The following PPP1R12B variants were observed in gnomAD, a reference collection of about 807,000 sequenced individuals.
PPP1R12B encodes protein phosphatase 1 regulatory subunit 12B.
A neutral mutation model predicts 126.1 loss-of-function variants in PPP1R12B; 76 were observed. That is an observed-to-expected ratio of 0.60 (90% CI 0.50 to 0.73). The LOEUF (loss-of-function observed/expected upper bound fraction) is 0.73. Among genes scored for constraint, PPP1R12B ranks in the 30% least tolerant of loss-of-function variants. PPP1R12B has a pLI of 0.00. For synonymous variants in PPP1R12B, 356 were observed against 434.7 expected, an observed-to-expected ratio of 0.82 and a Z score of 2.25; for missense variants, 1,052 against 1,205.1, an observed-to-expected ratio of 0.87 and a Z score of 1.88.
chr1:202,431,418 T>C (rs1670167997), intron 7 of PPP1R12B, 62 bp from the exon 8 acceptor site: 2 of 1,388,992 alleles, frequency 1.4e-6, no homozygotes, highest in African/African-American at 2.9e-5. Flanking sequence ...TATAGACTTG[T>C]TCCCTTTATT....
intron 9 of PPP1R12B, 42 bp from the exon 10 acceptor site, chr1:202,437,779 A>C: frequency 6.5e-7 from 1 of 1,530,912 alleles, no homozygotes; most frequent in South Asian, 1.2e-5. Flanking sequence ...AAGAATCATC[A>C]GAGCCTTTAT....
chr1:202,399,914 T>C (rs1335557550), intron 1 of PPP1R12B, among the ~76,000 whole-genome samples: 3 of 152,116 alleles, frequency 2.0e-5, no homozygotes, highest in Non-Finnish European at 2.9e-5. Flanking sequence ...TATCGTGTGA[T>C]GCTGAAGTTT....
At chr1:202,356,952 G>A (rs1305600013) in intron 1 of PPP1R12B, among the ~76,000 whole-genome samples, 1 of 151,656 alleles carries the variant, frequency 6.6e-6, no homozygotes, top group Non-Finnish European at 1.5e-5. Flanking sequence ...CTCCTTATTA[G>A]CTGGGATTAC....
At chr1:202,507,134 A>G (rs1411779604) in intron 18 of PPP1R12B, among the ~76,000 whole-genome samples, 3 of 152,164 alleles carry the variant, frequency 2.0e-5, no homozygotes, top group Non-Finnish European at 1.5e-5. Context: ...TTCAACCACC[A>G]TGTAAATGAG....
At chr1:202,445,383 C>T (rs1672103203) in intron 12 of PPP1R12B, among the ~76,000 whole-genome samples, 1 of 152,204 alleles carries the variant, frequency 6.6e-6, no homozygotes, top group African/African-American at 2.4e-5. Flanking sequence ...TTTGCTTTGA[C>T]TTGTATTAAC....
chr1:202,489,583 T>G (rs1434207468), intron 14 of PPP1R12B, among the ~76,000 whole-genome samples: 3 of 152,186 alleles, frequency 2.0e-5, no homozygotes, highest in Admixed American at 6.5e-5. Context: ...AACATTATGC[T>G]AAGTGAAAGA....
intron 23 of PPP1R12B, chr1:202,575,045 A>G (rs1688967712): frequency 3.1e-6 from 5 of 1,613,304 alleles, no homozygotes; most frequent in Non-Finnish European, 4.2e-6. Flanking sequence ...AAGCAGATGA[A>G]CGAGCAACTG....
At chr1:202,540,076 G>A in intron 18 of PPP1R12B, 1 of 1,511,900 alleles carries the variant, frequency 6.6e-7, no homozygotes. Flanking sequence ...TAACCTACAG[G>A]GAAATTTCCC....
intron 18 of PPP1R12B, among the ~76,000 whole-genome samples, chr1:202,548,300 G>A (rs566110151): frequency 1.3e-5 from 2 of 152,338 alleles, no homozygotes; most frequent in South Asian, 4.1e-4. Flanking sequence ...AAGGAAAAAT[G>A]TAACAGAATT....
At chr1:202,496,066 G>C (rs1355415444) in intron 17 of PPP1R12B, among the ~76,000 whole-genome samples, 1 of 152,230 alleles carries the variant, frequency 6.6e-6, no homozygotes, top group African/African-American at 2.4e-5. Flanking sequence ...CATATGAGCA[G>C]AGATTCTAAC....
intron 18 of PPP1R12B, chr1:202,540,350 A>G (rs769258611): frequency 4.4e-6 from 4 of 900,392 alleles, no homozygotes; most frequent in Non-Finnish European, 6.5e-6. Context: ...TTCAGAGCAT[A>G]TGGGAATCAG....
chr1:202,449,665 A>T (rs967120500), intron 13 of PPP1R12B, among the ~76,000 whole-genome samples: 24 of 151,788 alleles, frequency 1.6e-4, no homozygotes, highest in Non-Finnish European at 3.5e-4. Context: ...TTTAGCATAG[A>T]CACTTAACGC....
chr1:202,389,553 A>G (rs2148516986), intron 1 of PPP1R12B, among the ~76,000 whole-genome samples: 1 of 152,092 alleles, frequency 6.6e-6, no homozygotes, highest in East Asian at 1.9e-4. Context: ...CTGAGGCAGA[A>G]CTGCGTGAAC....
intron 1 of PPP1R12B, among the ~76,000 whole-genome samples, chr1:202,398,151 G>T (rs189253821): frequency 2.6e-5 from 4 of 152,274 alleles, no homozygotes; most frequent in Admixed American, 1.3e-4. Context: ...GATTCTCATA[G>T]TATATGATCT....
chr1:202,444,391 A>G lies in PPP1R12B; in HGVS notation c.1667+1819A>G, dbSNP rs565680229. Among the ~76,000 whole-genome samples the G allele has an allele frequency of 7.7e-4, 117 of 152,360 alleles. 1 individual carries two copies. The highest frequency in any genetic ancestry group is 2.7e-3 in the African/African-American group (112 of 41,582). The stretch of plus-strand genomic sequence containing the variant: ...TTGAGATGGTTCTTACCTGTCTTCA[A>G]TCAAAACAAATACAAGTTGCCCTTT... On this transcript the variant is annotated intron_variant, in intron 12 of 23. Coordinates refer to ENST00000608999, the MANE Select transcript of PPP1R12B (RefSeq NM_002481.4).
At chr1:202,364,702 G>T (rs567781580) in intron 1 of PPP1R12B, among the ~76,000 whole-genome samples, 1 of 151,802 alleles carries the variant, frequency 6.6e-6, no homozygotes, top group African/African-American at 2.4e-5. Context: ...TCAGCCTCCC[G>T]AGTAGCTGGG....
Position 202,437,806 on chromosome 1 carries a change from T to A in PPP1R12B, c.1255-15T>A, listed in dbSNP as rs367951007. 7.6e-6 allele frequency: 12 copies of A among 1,575,674 alleles called. No homozygotes were observed. In the African/African-American group the frequency reaches 1.6e-4, roughly 22 times the overall value. On this transcript the variant is annotated splice_polypyrimidine_tract_variant and intron_variant, in intron 9 of 23. Transcript: ENST00000608999. ...AGCCTTTATTTTTCATTTCTTTTATTTGCTTCTCTCATAGTTCTCTTCTGG... is the reference window on the plus strand; with the variant it reads ...AGCCTTTATTTTTCATTTCTTTTATATGCTTCTCTCATAGTTCTCTTCTGG...
In PPP1R12B at chr1:202,437,938, A is replaced by G; in HGVS notation, c.1372A>G (p.Arg458Gly). 6.2e-7 allele frequency: 1 copy of G among 1,614,170 alleles called. No homozygotes were observed. Among genetic ancestry groups the G allele is most frequent in the Non-Finnish European group, 8.5e-7 (1 of 1,180,016 alleles). The change falls in exon 10 of 24, where the codon AGG becomes GGG. Residue 458 changes from arginine to glycine, a missense_variant. Coordinates refer to ENST00000608999, the MANE Select transcript of PPP1R12B (RefSeq NM_002481.4). The stretch of plus-strand genomic sequence containing the variant: ...CATGCTGAGTGAGGTGGCCAATTCC[A>G]GGGAACCTATAAGGGACCGAGGCTC... ...HNMLSEVANSREPIRDRGSSI... is the reference protein window; with the variant it reads ...HNMLSEVANSGEPIRDRGSSI...
chr1:202,461,782 A>T (rs566319986), intron 13 of PPP1R12B, among the ~76,000 whole-genome samples: 1 of 152,124 alleles, frequency 6.6e-6, no homozygotes, highest in Non-Finnish European at 1.5e-5. Context: ...AGTGGCAGCC[A>T]TACACAGGTA....
Sources: allele counts gnomAD v4.1 joint callset (sites outside exome capture counted in the v4.1 genomes callset), GRCh38; gene constraint gnomAD v4.1.1; transcripts MANE v1.5; gene names NCBI Gene and HGNC (gene_info 2026-07-23, HGNC 2026-07-21).